Variants in CHIC1 observed in about 807,000 individuals in gnomAD.
CHIC1 encodes the protein cysteine-rich hydrophobic domain-containing protein 1.
In CHIC1, 7 loss-of-function variants were observed where a neutral mutation model predicts 18.5. The observed-to-expected ratio is 0.38, with a 90% confidence interval of 0.22 to 0.71. The LOEUF (loss-of-function observed/expected upper bound fraction) is 0.71. CHIC1 is among the 30% of genes least tolerant of loss of function. The probability of loss-of-function intolerance (pLI) is 0.49; values close to 1 mark genes in which losing one functional copy is unlikely to be tolerated. For synonymous variants in CHIC1, 77 were observed against 73.5 expected, an observed-to-expected ratio of 1.05 and a Z score of -0.25; for missense variants, 159 against 176.9, an observed-to-expected ratio of 0.90 and a Z score of 0.57.
At chrX:73,645,148 T>C (rs2057882530) in intron 3 of CHIC1, among the ~76,000 whole-genome samples, 1 of 112,613 alleles carries the variant, frequency 8.9e-6, no homozygotes, top group Non-Finnish European at 1.9e-5. Context: ...AGATTCCACA[T>C]ATAAGTGAGA....
At chrX:73,571,254 CTGT>C (rs1349101703) in intron 1 of CHIC1, among the ~76,000 whole-genome samples, 3 of 110,267 alleles carry the variant, frequency 2.7e-5, no homozygotes, top group East Asian at 2.8e-4. Context: ...GAACATGTTA[CTGT>C]TGTTGCATTT....
At chrX:73,640,383 C>T (rs1258430722) in intron 3 of CHIC1, among the ~76,000 whole-genome samples, 1 of 111,766 alleles carries the variant, frequency 8.9e-6, no homozygotes, top group East Asian at 2.8e-4. Context: ...ATAAATCTTA[C>T]TTGATCATGG....
At chrX:73,597,963 T>C (rs918664442) in intron 3 of CHIC1, among the ~76,000 whole-genome samples, 5 of 111,863 alleles carry the variant, frequency 4.5e-5, no homozygotes, top group African/African-American at 1.6e-4. Flanking sequence ...TTCTTTTTTA[T>C]GGCTGCATAG....
At chrX:73,580,485 G>A (rs2057521396) in intron 2 of CHIC1, among the ~76,000 whole-genome samples, 1 of 110,714 alleles carries the variant, frequency 9.0e-6, no homozygotes, top group South Asian at 3.7e-4. Context: ...CTGAAGATCT[G>A]ATTTAAAAGT....
At position 73,616,936 on chromosome X, in the gene CHIC1, C is replaced by T. The variant is rs138427166; in HGVS notation, c.507+32364C>T. Among the ~76,000 whole-genome samples the T allele has an allele frequency of 6.3e-4, 71 of 112,359 alleles. 1 individual carries two copies. The East Asian group carries it at 0.018, about 28-fold the overall frequency. Reference sequence around the variant, plus strand: ...TTGTCTTGGCAATTCACATTTGGCTCCTTTTTACTTATGCAAATTTCTGCA... The same window carrying T: ...TTGTCTTGGCAATTCACATTTGGCTTCTTTTTACTTATGCAAATTTCTGCA... On this transcript the variant is annotated intron_variant, in intron 3 of 5. Transcript: ENST00000373502.
intron 3 of CHIC1, among the ~76,000 whole-genome samples, chrX:73,611,536 A>G (rs1250923970): frequency 1.8e-5 from 2 of 108,612 alleles, no homozygotes; most frequent in Admixed American, 9.6e-5. Flanking sequence ...TATATACCCA[A>G]TAATGGGATG....
chrX:73,634,322 C>G (rs924191572), intron 3 of CHIC1, among the ~76,000 whole-genome samples: 8 of 112,862 alleles, frequency 7.1e-5, no homozygotes, highest in African/African-American at 2.6e-4. Context: ...TCTATCCTGT[C>G]AAGCCAGGTA....
chrX:73,631,435 T>G (rs1175221470), intron 3 of CHIC1, among the ~76,000 whole-genome samples: 2 of 109,458 alleles, frequency 1.8e-5, no homozygotes, highest in African/African-American at 6.7e-5. Flanking sequence ...GAGACCAGCC[T>G]GGCCAACCTG....
At chrX:73,671,177 T>C (rs2058028378) in intron 3 of CHIC1, among the ~76,000 whole-genome samples, 1 of 112,020 alleles carries the variant, frequency 8.9e-6, no homozygotes, top group African/African-American at 3.2e-5. Context: ...TTAGTTGATG[T>C]GAATTCCCTT....
At chrX:73,628,037 C>T (rs1474566270) in intron 3 of CHIC1, among the ~76,000 whole-genome samples, 1 of 111,485 alleles carries the variant, frequency 9.0e-6, no homozygotes, top group African/African-American at 3.3e-5. Context: ...TGGTCCTTTC[C>T]TTCAAGGCAG....
chrX:73,577,051 C>T (rs1191273653), intron 1 of CHIC1, among the ~76,000 whole-genome samples: 1 of 110,063 alleles, frequency 9.1e-6, no homozygotes, highest in Non-Finnish European at 1.9e-5. Context: ...TACCCATAAT[C>T]CAGCTCCAAC....
At chrX:73,664,709 G>A (rs1456466876) in intron 3 of CHIC1, among the ~76,000 whole-genome samples, 1 of 111,651 alleles carries the variant, frequency 9.0e-6, no homozygotes, top group Non-Finnish European at 1.9e-5. Flanking sequence ...ATCACACAAA[G>A]ACACTTGTGT....
At chrX:73,622,319 C>T (rs1352170147) in intron 3 of CHIC1, among the ~76,000 whole-genome samples, 2 of 111,560 alleles carry the variant, frequency 1.8e-5, no homozygotes, top group African/African-American at 6.5e-5. Context: ...GTGAATCTGT[C>T]TGGCCCTGGG....
intron 2 of CHIC1, among the ~76,000 whole-genome samples, chrX:73,579,936 T>C (rs1426180205): frequency 8.1e-5 from 9 of 110,699 alleles, no homozygotes; most frequent in Non-Finnish European, 1.7e-4. Context: ...AAAAAACTTA[T>C]TCTTCATGTT....
chrX:73,636,940 TATA>T (rs2057833810), intron 3 of CHIC1, among the ~76,000 whole-genome samples: 1 of 111,699 alleles, frequency 9.0e-6, no homozygotes, highest in Non-Finnish European at 1.9e-5. Flanking sequence ...TATATTACAA[TATA>T]ATAATAATGA....
chrX:73,563,413 T>G lies in CHIC1; in HGVS notation c.129T>G (p.Asp43Glu). The change falls in exon 1 of 6, where the codon GAT becomes GAG. Residue 43 changes from aspartate (D) to glutamate (E), a missense_variant. Coordinates refer to ENST00000373502, the MANE Select transcript of CHIC1 (RefSeq NM_001039840.4). Reference sequence around the variant, plus strand: ...CGTCGTCGGTATCTGGGCCCGACGATGACGAGGAGGATGAGGAGGAAGAGG... The same window carrying G: ...CGTCGTCGGTATCTGGGCCCGACGAGGACGAGGAGGATGAGGAGGAAGAGG... ...SSSSSVSGPDDDEEDEEEEEE... is the reference protein window; with the variant it reads ...SSSSSVSGPDEDEEDEEEEEE... 1 of 1,151,851 alleles carries G rather than the reference T, an allele frequency of 8.7e-7. No homozygotes were observed. The highest frequency in any genetic ancestry group is 1.2e-6 in the Non-Finnish European group (1 of 865,253). 94.9% of individuals were successfully genotyped at this position (1,151,851 alleles called of 1,213,427 possible). A position where few individuals can be genotyped will look rare whatever the true frequency, so the allele number is the denominator to read the frequency against.
At chrX:73,676,044 A>T (rs1466465306) in intron 3 of CHIC1, among the ~76,000 whole-genome samples, 12 of 111,896 alleles carry the variant, frequency 1.1e-4, no homozygotes, top group Non-Finnish European at 2.1e-4. Context: ...TTCTTTAAGA[A>T]TGCTGAATAT....
intron 3 of CHIC1, among the ~76,000 whole-genome samples, chrX:73,657,799 C>A (rs2057958149): frequency 9.0e-6 from 1 of 111,336 alleles, no homozygotes; most frequent in Non-Finnish European, 1.9e-5. Flanking sequence ...CCTTCAATAT[C>A]TAGGTTATTG....
intron 3 of CHIC1, among the ~76,000 whole-genome samples, chrX:73,648,090 G>A (rs928172572): frequency 1.8e-5 from 2 of 111,277 alleles, no homozygotes; most frequent in Non-Finnish European, 3.8e-5. Flanking sequence ...TGAACCCCCA[G>A]CAAACCACAG....
Sources: gnomAD v4.1 joint callset for allele counts (sites outside exome capture counted in the v4.1 genomes callset) on GRCh38, gnomAD v4.1.1 for gene constraint, MANE v1.5 for transcripts, NCBI Gene and HGNC (gene_info 2026-07-23, HGNC 2026-07-21) for gene names.